The following P4HA1 variants were observed in gnomAD, a reference collection of about 807,000 sequenced individuals.
P4HA1 encodes the protein prolyl 4-hydroxylase subunit alpha 1.
P4HA1 carries 24 observed loss-of-function variants against 72.8 expected under a neutral mutation model. The ratio of observed to expected loss-of-function variants is 0.33; its 90% confidence interval spans 0.24 to 0.46. The LOEUF is 0.46. Ranked by LOEUF, P4HA1 falls within the 20% of genes least tolerant of loss-of-function variation. The probability of loss-of-function intolerance (pLI) is 1.00; values close to 1 mark genes in which losing one functional copy is unlikely to be tolerated. For synonymous variants in P4HA1, 201 were observed against 218.8 expected (o/e 0.92, Z 0.72); for missense variants, 446 against 640.6 (o/e 0.70, Z 3.28).
intron 9 of P4HA1, among the ~76,000 whole-genome samples, chr10:73,041,576 C>A (rs1355857397): frequency 6.6e-6 from 1 of 151,582 alleles, no homozygotes; most frequent in Non-Finnish European, 1.5e-5. Context: ...ATTCTCTGAC[C>A]TTCCTCTAAA....
rs927171072 is a variant in P4HA1 at position 73,068,884 on chromosome 10, T to C, written c.425A>G (p.Asn142Ser). 11 of 1,612,562 alleles carry C rather than the reference T, an allele frequency of 6.8e-6. No individual in the cohort carries two copies. Among genetic ancestry groups the C allele is most frequent in the Middle Eastern group, 1.6e-4 (1 of 6,076 alleles). ...KALLRLQDTY[N>S]LDTDTISKGN... is the part of the protein sequence containing the mutation. ...CTTTGAGATGGTATCTGTATCCAAA[T>C]TGTAGGTATCCTGGAGACGTAACAG... Residue 142 changes from asparagine to serine, a missense_variant, in exon 5 of 15, where the codon AAT becomes AGT. Asn to Ser is a conservative substitution (Grantham distance 46). Coordinates refer to ENST00000394890, the MANE Select transcript of P4HA1 (RefSeq NM_001017962.3).
intron 3 of P4HA1, among the ~76,000 whole-genome samples, chr10:73,073,473 G>A (rs1401797695): frequency 6.6e-6 from 1 of 151,692 alleles, no homozygotes; most frequent in Non-Finnish European, 1.5e-5. Flanking sequence ...CACCCTCCTC[G>A]GCCTCCCAAA....
intron 5 of P4HA1, among the ~76,000 whole-genome samples, chr10:73,064,741 T>C (rs1198661225): frequency 6.6e-6 from 1 of 150,968 alleles, no homozygotes; most frequent in East Asian, 2.0e-4. Context: ...CTTGGGAGGC[T>C]GAGGCAAGAG....
intron 1 of P4HA1, among the ~76,000 whole-genome samples, chr10:73,089,735 T>C (rs571043418): frequency 1.5e-4 from 21 of 143,028 alleles, no homozygotes; most frequent in South Asian, 4.3e-4. Flanking sequence ...AAAGCGTATA[T>C]ACAATTCCAT....
intron 1 of P4HA1, among the ~76,000 whole-genome samples, chr10:73,091,599 GAC>G (rs1302397503): frequency 1.3e-5 from 2 of 152,216 alleles, no homozygotes; most frequent in East Asian, 1.9e-4. Flanking sequence ...TATTGTTGCA[GAC>G]ACATGTAACA....
chr10:73,018,595 G>A (rs1840063065), intron 10 of P4HA1, among the ~76,000 whole-genome samples: 1 of 151,766 alleles, frequency 6.6e-6, no homozygotes, highest in African/African-American at 2.4e-5. Context: ...CACCAATCCA[G>A]GTTCTAGAGT....
At chr10:73,072,851 A>G (rs1283802462) in intron 3 of P4HA1, among the ~76,000 whole-genome samples, 1 of 152,182 alleles carries the variant, frequency 6.6e-6, no homozygotes, top group Non-Finnish European at 1.5e-5. Context: ...AGAAGAGGAT[A>G]GAAGATATTA....
chr10:73,041,548 CAAA>C (rs774231072), intron 9 of P4HA1, among the ~76,000 whole-genome samples: 2 of 110,292 alleles, frequency 1.8e-5, no homozygotes, highest in African/African-American at 3.2e-5. Context: ...ATCCCCCCCC[CAAA>C]AAAAAAAAAA....
rs948569183 is a variant in P4HA1 at position 73,095,504 on chromosome 10, C to T, written c.-33+1262G>A. Among the ~76,000 whole-genome samples, 121 of 143,252 alleles carry T rather than the reference C, an allele frequency of 8.4e-4. 12 individuals carry two copies. The highest frequency in any genetic ancestry group is 3.0e-5 in the Non-Finnish European group (2 of 65,798). The allele number at this position is 143,252 out of a possible 152,430, so 94.0% of individuals were successfully genotyped here. A position where few individuals can be genotyped will look rare whatever the true frequency, so the allele number is the denominator to read the frequency against. ...ACGTCTAAACCTAAAAGGGGAAATA[C>T]GTTTCTAACCAGAACTTTAAAAAAA... On this transcript the variant is annotated intron_variant, in intron 1 of 14. Coordinates refer to ENST00000394890, the MANE Select transcript of P4HA1 (RefSeq NM_001017962.3).
At chr10:73,063,288 C>A (rs1268586362) in intron 5 of P4HA1, among the ~76,000 whole-genome samples, 1 of 152,216 alleles carries the variant, frequency 6.6e-6, no homozygotes, top group Non-Finnish European at 1.5e-5. Flanking sequence ...CTTGTTGCTG[C>A]ATCCTCCAGA....
At chr10:73,028,307 A>C (rs1260378957) in intron 10 of P4HA1, among the ~76,000 whole-genome samples, 1 of 143,672 alleles carries the variant, frequency 7.0e-6, no homozygotes, top group African/African-American at 2.6e-5. Context: ...GTCACTGTAA[A>C]ACACACACAC....
At chr10:73,069,558 T>G (rs1841502157) in intron 4 of P4HA1, among the ~76,000 whole-genome samples, 1 of 152,164 alleles carries the variant, frequency 6.6e-6, no homozygotes, top group African/African-American at 2.4e-5. Context: ...TAAATCAGTT[T>G]AATTATCAAA....
rs1839817866 is a variant in P4HA1, at chr10:73,007,480, A to AC, written c.*741dup. On this transcript the variant is annotated 3_prime_UTR_variant, in exon 15 of 15. Coordinates refer to ENST00000394890, the MANE Select transcript of P4HA1 (RefSeq NM_001017962.3). ...CTAAGAAAAACAGCAAAATTCCTGAACAAAATCATCTGTCATTTTAAAAAA... is the reference window on the plus strand; with the variant it reads ...CTAAGAAAAACAGCAAAATTCCTGAACCAAAATCATCTGTCATTTTAAAAAA... The AC allele has an allele frequency of 1.3e-5, 2 of 152,552 alleles. No individual in the cohort carries two copies. Among genetic ancestry groups the AC allele is most frequent in the South Asian group, 4.1e-4 (2 of 4,820 alleles). The allele number at this position is 152,552 out of a possible 1,614,324, so 9.4% of individuals were successfully genotyped here. A position where few individuals can be genotyped will look rare whatever the true frequency, so the allele number is the denominator to read the frequency against.
intron 10 of P4HA1, among the ~76,000 whole-genome samples, chr10:73,019,730 G>GAAAAAAAAAAAAAAAAAAAA: frequency 1.5e-5 from 1 of 65,224 alleles, no homozygotes; most frequent in Non-Finnish European, 2.4e-5. Flanking sequence ...CTCTGTCTCA[G>GAAAAAAAAAAAAAAAAAAAA]AAAAAAAAAA....
At chr10:73,056,163 AT>A (rs1007093925) in intron 5 of P4HA1, among the ~76,000 whole-genome samples, 4 of 152,226 alleles carry the variant, frequency 2.6e-5, no homozygotes, top group African/African-American at 9.6e-5. Flanking sequence ...TGTATAAAAG[AT>A]TTTTGTGGCT....
intron 13 of P4HA1, 54 bp downstream of exon 13, chr10:73,010,915 A>T (rs893368079): frequency 7.9e-7 from 1 of 1,265,396 alleles, no homozygotes; most frequent in Non-Finnish European, 1.2e-6. Flanking sequence ...ATACAAGTGC[A>T]TCTCTTCCTT....
chr10:73,054,224 A>G (rs574565070), intron 5 of P4HA1, among the ~76,000 whole-genome samples: 4 of 152,340 alleles, frequency 2.6e-5, no homozygotes, highest in Non-Finnish European at 4.4e-5. Context: ...AGATATATCT[A>G]TCTCATCCCT....
At chr10:73,090,335 T>C (rs925033957) in intron 1 of P4HA1, among the ~76,000 whole-genome samples, 2 of 151,396 alleles carry the variant, frequency 1.3e-5, no homozygotes, top group African/African-American at 2.4e-5. Flanking sequence ...AGTCTTTCTA[T>C]GTCGCCCAGG....
chr10:73,064,944 C>T (rs1467774962), intron 5 of P4HA1, among the ~76,000 whole-genome samples: 1 of 152,204 alleles, frequency 6.6e-6, no homozygotes, highest in Non-Finnish European at 1.5e-5. Flanking sequence ...TTGCACTTCA[C>T]AAGAACACTT....
Sources: allele counts gnomAD v4.1 joint callset (sites outside exome capture counted in the v4.1 genomes callset), GRCh38; gene constraint gnomAD v4.1.1; transcripts MANE v1.5; gene names NCBI Gene and HGNC (gene_info 2026-07-23, HGNC 2026-07-21).